The following LRFN5 variants were observed in gnomAD, a reference collection of about 807,000 sequenced individuals.
LRFN5 encodes leucine rich repeat and fibronectin type III domain containing 5.
LRFN5 carries 24 observed loss-of-function variants against 45.6 expected under a neutral mutation model. That is an observed-to-expected ratio of 0.53 (90% CI 0.38 to 0.74). The LOEUF (loss-of-function observed/expected upper bound fraction) is 0.74, where lower values mean the gene tolerates loss of function less well. Among genes scored for constraint, LRFN5 ranks in the 30% least tolerant of loss-of-function variants. LRFN5 has a pLI of 0.00. For synonymous variants in LRFN5, 340 were observed against 313.8 expected (o/e 1.08, Z -0.88); for missense variants, 776 against 861.5 (o/e 0.90, Z 1.24).
chr14:41,841,591 C>T (rs1304725363), intron 2 of LRFN5, among the ~76,000 whole-genome samples: 1 of 151,784 alleles, frequency 6.6e-6, no homozygotes, highest in Admixed American at 6.6e-5. Flanking sequence ...ATGAGTGTAT[C>T]AGAATTTCTT....
At chr14:41,752,179 G>A (rs534497653) in intron 1 of LRFN5, among the ~76,000 whole-genome samples, 4 of 152,136 alleles carry the variant, frequency 2.6e-5, no homozygotes, top group Non-Finnish European at 5.9e-5. Context: ...GGACATTTGG[G>A]TTGGTTCCAA....
At chr14:41,857,113 T>TG (rs1434374854) in intron 2 of LRFN5, among the ~76,000 whole-genome samples, 5 of 152,320 alleles carry the variant, frequency 3.3e-5, no homozygotes, top group African/African-American at 1.2e-4. Flanking sequence ...TAATAACACT[T>TG]GCTATGTATA....
chr14:41,664,642 A>G (rs529369024), intron 1 of LRFN5, among the ~76,000 whole-genome samples: 1 of 152,114 alleles, frequency 6.6e-6, no homozygotes, highest in African/African-American at 2.4e-5. Context: ...AGCCCATGCA[A>G]TTAAGTGAGA....
intron 1 of LRFN5, among the ~76,000 whole-genome samples, chr14:41,717,032 C>T (rs749000873): frequency 5.3e-5 from 8 of 152,122 alleles, no homozygotes; most frequent in African/African-American, 1.2e-4. Context: ...TTTTCTAAAT[C>T]GTGTCCTCCT....
chr14:41,619,704 A>C (rs1465698251), intron 1 of LRFN5, among the ~76,000 whole-genome samples: 2 of 152,048 alleles, frequency 1.3e-5, no homozygotes, highest in Non-Finnish European at 2.9e-5. Context: ...TGTATATTGC[A>C]ATATATGTAC....
chr14:41,636,554 T>C (rs1879315289), intron 1 of LRFN5, among the ~76,000 whole-genome samples: 1 of 151,954 alleles, frequency 6.6e-6, no homozygotes, highest in South Asian at 2.1e-4. Flanking sequence ...ACATGGCACA[T>C]GTATACATAT....
intron 1 of LRFN5, among the ~76,000 whole-genome samples, chr14:41,748,317 G>A (rs1250899718): frequency 2.0e-5 from 3 of 152,020 alleles, no homozygotes; most frequent in Non-Finnish European, 4.4e-5. Context: ...GTATATATAT[G>A]CAATGGAATA....
chr14:41,814,228 C>T (rs1005904862), intron 2 of LRFN5, among the ~76,000 whole-genome samples: 1 of 152,084 alleles, frequency 6.6e-6, no homozygotes, highest in Non-Finnish European at 1.5e-5. Flanking sequence ...GTCATGAATT[C>T]TTTGCTTATG....
intron 2 of LRFN5, among the ~76,000 whole-genome samples, chr14:41,786,060 G>A (rs1291938342): frequency 6.6e-6 from 1 of 152,028 alleles, no homozygotes; most frequent in Non-Finnish European, 1.5e-5. Flanking sequence ...AGCTTACAAT[G>A]GTTTATGTCT....
intron 1 of LRFN5, among the ~76,000 whole-genome samples, chr14:41,645,617 G>A (rs779869990): frequency 5.3e-5 from 8 of 152,152 alleles, no homozygotes; most frequent in Non-Finnish European, 8.8e-5. Flanking sequence ...TCAAATGGGA[G>A]CCATTTAAGC....
At chr14:41,622,443 T>A (rs909887236) in intron 1 of LRFN5, among the ~76,000 whole-genome samples, 21 of 152,082 alleles carry the variant, frequency 1.4e-4, no homozygotes, top group African/African-American at 5.1e-4. Flanking sequence ...TGTCTTACGA[T>A]CATAAAAGAG....
At chr14:41,739,319 A>C (rs1584318) in intron 1 of LRFN5, among the ~76,000 whole-genome samples, 3 of 152,102 alleles carry the variant, frequency 2.0e-5, no homozygotes, top group Admixed American at 2.0e-4. Context: ...TGGCTCATCA[A>C]TGGTTCAGTG....
rs57619124 is a variant in LRFN5, at chr14:41,857,465, T to C, written c.-20-29141T>C. ...TCTATCTCCTCGTGGTTTGTCTCTA[T>C]AGTATATATGCTACTTATTTTTTCT... On this transcript the variant is annotated intron_variant, in intron 2 of 5. Coordinates refer to ENST00000298119, the MANE Select transcript of LRFN5 (RefSeq NM_152447.5). Among the ~76,000 whole-genome samples the C allele has an allele frequency of 6.2e-3, 940 of 152,340 alleles. 15 individuals carry two copies. The highest frequency in any genetic ancestry group is 0.022 in the African/African-American group (904 of 41,586).
intron 1 of LRFN5, among the ~76,000 whole-genome samples, chr14:41,609,130 A>C (rs536051378): frequency 1.1e-4 from 17 of 152,218 alleles, no homozygotes; most frequent in Non-Finnish European, 2.1e-4. Flanking sequence ...AAGGGAATAC[A>C]TATTGTCACG....
intron 1 of LRFN5, among the ~76,000 whole-genome samples, chr14:41,696,452 T>C (rs1882613686): frequency 6.7e-6 from 1 of 149,766 alleles, no homozygotes; most frequent in African/African-American, 2.5e-5. Flanking sequence ...TATATTCGTA[T>C]AGAGCCAAAT....
chr14:41,794,141 A>G (rs2138952008), intron 2 of LRFN5, among the ~76,000 whole-genome samples: 1 of 152,034 alleles, frequency 6.6e-6, no homozygotes, highest in East Asian at 1.9e-4. Flanking sequence ...ATAGCTCCAA[A>G]GAGCTGTCCA....
At chr14:41,893,267 A>C (rs1455346843) in intron 4 of LRFN5, 15 of 952,460 alleles carry the variant, frequency 1.6e-5, no homozygotes, top group African/African-American at 1.8e-5. Flanking sequence ...GAATTATTAG[A>C]AATTTACTGA....
intron 2 of LRFN5, among the ~76,000 whole-genome samples, chr14:41,835,010 TAA>T (rs71440752): frequency 0.28 from 39,792 of 141,936 alleles, 5,440 homozygotes; most frequent in Middle Eastern, 0.35. Context: ...CAGAACAAAT[TAA>T]AAAAAAAAAA....
At chr14:41,842,678 A>G (rs1157617832) in intron 2 of LRFN5, among the ~76,000 whole-genome samples, 1 of 152,168 alleles carries the variant, frequency 6.6e-6, no homozygotes, top group East Asian at 1.9e-4. Flanking sequence ...TTTTAAACAA[A>G]TTACTGAAGG....
Sources: gnomAD v4.1 joint callset for allele counts (sites outside exome capture counted in the v4.1 genomes callset) on GRCh38, gnomAD v4.1.1 for gene constraint, MANE v1.5 for transcripts, NCBI Gene and HGNC (gene_info 2026-07-23, HGNC 2026-07-21) for gene names.